ATP8A2: variants seen among roughly 807,000 people sequenced by gnomAD.
ATP8A2 encodes ATPase phospholipid transporting 8A2, also known as phospholipid-transporting ATPase IB.
A neutral mutation model predicts 165.6 loss-of-function variants in ATP8A2; 100 were observed. The ratio of observed to expected loss-of-function variants is 0.60; its 90% CI spans 0.51 to 0.71. ATP8A2 has a LOEUF of 0.71. ATP8A2 is among the 30% of genes least tolerant of loss of function. The probability of loss-of-function intolerance (pLI) is 0.00; values close to 1 mark genes in which losing one functional copy is unlikely to be tolerated. For synonymous variants in ATP8A2, 543 were observed against 548.8 expected, an observed-to-expected ratio of 0.99 and a Z score of 0.15; for missense variants, 1,227 against 1,479.5, an observed-to-expected ratio of 0.83 and a Z score of 2.80.
intron 24 of ATP8A2, among the ~76,000 whole-genome samples, chr13:25,631,454 T>C (rs1349675800): frequency 6.6e-6 from 1 of 152,192 alleles, no homozygotes; most frequent in Non-Finnish European, 1.5e-5. Flanking sequence ...ACTCCAGGTA[T>C]TTTTGGTCTT....
chr13:25,832,579 T>C (rs1271381672), intron 28 of ATP8A2, among the ~76,000 whole-genome samples: 1 of 152,188 alleles, frequency 6.6e-6, no homozygotes, highest in Non-Finnish European at 1.5e-5. Context: ...TATCACTATA[T>C]CAAGAAAATA....
chr13:25,916,422 G>A lies in ATP8A2; in HGVS notation c.3184-45153G>A, dbSNP rs972985513. 1.4e-4 allele frequency among the ~76,000 whole-genome samples: 22 copies of A among 152,186 alleles called. 1 individual carries two copies. Among genetic ancestry groups the A allele is most frequent in the East Asian group, 3.9e-4 (2 of 5,192 alleles). ...ATTCCAAAGAAGACAGACAGTCCCC[G>A]CAGCAGGTGCATGTGGTGCTGGTGT... On this transcript the variant is annotated intron_variant, in intron 33 of 36. Transcript: ENST00000381655.
intron 33 of ATP8A2, among the ~76,000 whole-genome samples, chr13:25,893,170 A>T (rs1307310061): frequency 6.7e-6 from 1 of 150,176 alleles, no homozygotes; most frequent in African/African-American, 2.4e-5. Flanking sequence ...ATTTAGCATT[A>T]GGTATATCTC....
chr13:25,969,931 C>A (rs1288913697), intron 35 of ATP8A2, among the ~76,000 whole-genome samples: 1 of 152,122 alleles, frequency 6.6e-6, no homozygotes, highest in African/African-American at 2.4e-5. Flanking sequence ...CATCAGACAG[C>A]TGAGGCATAA....
intron 1 of ATP8A2, among the ~76,000 whole-genome samples, chr13:25,379,858 C>CT (rs2032776258): frequency 6.6e-6 from 1 of 152,146 alleles, no homozygotes; most frequent in Non-Finnish European, 1.5e-5. Flanking sequence ...TGGGTCCACT[C>CT]TAAGTTCATT....
At chr13:25,902,976 AATGCAC>A (rs1953807789) in intron 33 of ATP8A2, among the ~76,000 whole-genome samples, 1 of 104,380 alleles carries the variant, frequency 9.6e-6, no homozygotes, top group Non-Finnish European at 2.0e-5. Context: ...CACACACGTA[AATGCAC>A]ATGGCAGGGG....
chr13:26,011,744 G>A (rs1956853001), intron 35 of ATP8A2, among the ~76,000 whole-genome samples: 1 of 152,048 alleles, frequency 6.6e-6, no homozygotes, highest in Non-Finnish European at 1.5e-5. Context: ...GACCAGCTTG[G>A]GCAGCAAAGC....
chr13:25,716,171 G>A (rs1049244122), intron 25 of ATP8A2, among the ~76,000 whole-genome samples: 3 of 151,972 alleles, frequency 2.0e-5, no homozygotes, highest in African/African-American at 4.8e-5. Flanking sequence ...TTTTAAATTG[G>A]GTTGCTTGTC....
At chr13:25,919,978 G>A (rs1163177045) in intron 33 of ATP8A2, among the ~76,000 whole-genome samples, 3 of 151,868 alleles carry the variant, frequency 2.0e-5, no homozygotes, top group Non-Finnish European at 2.9e-5. Flanking sequence ...ATACAAACAG[G>A]GGTCTCGCTA....
chr13:25,651,019 T>C (rs1337046096), intron 24 of ATP8A2, among the ~76,000 whole-genome samples: 1 of 152,216 alleles, frequency 6.6e-6, no homozygotes, highest in Non-Finnish European at 1.5e-5. Flanking sequence ...TTAGGGAAGC[T>C]TTCCCTCTTT....
intron 33 of ATP8A2, among the ~76,000 whole-genome samples, chr13:25,954,116 C>T (rs531894445): frequency 2.6e-4 from 40 of 152,328 alleles, no homozygotes; most frequent in Middle Eastern, 3.4e-3. Flanking sequence ...GCTTGAAATT[C>T]TTGCTGACAG....
intron 5 of ATP8A2, among the ~76,000 whole-genome samples, chr13:25,533,029 G>A (rs1243559015): frequency 1.3e-5 from 2 of 151,922 alleles, no homozygotes; most frequent in East Asian, 3.9e-4. Flanking sequence ...AAAATAAGTA[G>A]ATTTAACTTA....
rs116748985 is a variant in ATP8A2 at position 25,394,804 on chromosome 13, G to A, written c.76+22516G>A. The stretch of plus-strand genomic sequence containing the variant: ...GTCTCCCTCTCCCATACCAGAAAAA[G>A]CACAATAACTCTTCGTCACCTGAGA... On this transcript the variant is annotated intron_variant, in intron 1 of 36. Transcript: ENST00000381655. Among the ~76,000 whole-genome samples the A allele has an allele frequency of 4.4e-3, 671 of 152,238 alleles. 10 individuals are homozygous for A. The highest frequency in any genetic ancestry group is 0.015 in the African/African-American group (634 of 41,546).
intron 27 of ATP8A2, among the ~76,000 whole-genome samples, chr13:25,791,985 C>A (rs2045191805): frequency 6.6e-6 from 1 of 152,084 alleles, no homozygotes; most frequent in South Asian, 2.1e-4. Flanking sequence ...AAGCAAAAAT[C>A]ATTTTAGTGT....
intron 36 of ATP8A2, among the ~76,000 whole-genome samples, chr13:26,014,124 G>C (rs541896295): frequency 6.6e-6 from 1 of 152,194 alleles, no homozygotes; most frequent in African/African-American, 2.4e-5. Flanking sequence ...CAGCCCTCTG[G>C]AGATGGGCTG....
chr13:25,496,389 G>T (rs558393075), intron 2 of ATP8A2, among the ~76,000 whole-genome samples: 35 of 152,156 alleles, frequency 2.3e-4, no homozygotes, highest in Admixed American at 7.2e-4. Context: ...ACCCCTGCAT[G>T]AAATCTACAT....
chr13:25,787,333 C>G (rs1196055238), intron 27 of ATP8A2, among the ~76,000 whole-genome samples: 1 of 152,182 alleles, frequency 6.6e-6, no homozygotes, highest in African/African-American at 2.4e-5. Flanking sequence ...CCCTCTGATT[C>G]CAATTTCTTC....
At chr13:25,793,611 T>C (rs2045239429) in intron 27 of ATP8A2, among the ~76,000 whole-genome samples, 1 of 152,202 alleles carries the variant, frequency 6.6e-6, no homozygotes, top group Non-Finnish European at 1.5e-5. Context: ...CACAAGTACA[T>C]ACATACAAAT....
chr13:25,649,207 A>G (rs1380977252), intron 24 of ATP8A2, among the ~76,000 whole-genome samples: 1 of 152,164 alleles, frequency 6.6e-6, no homozygotes, highest in Non-Finnish European at 1.5e-5. Context: ...CTAGCTGGTA[A>G]CAGCCTTGGG....
Sources: allele counts gnomAD v4.1 joint callset (sites outside exome capture counted in the v4.1 genomes callset), GRCh38; gene constraint gnomAD v4.1.1; transcripts MANE v1.5; gene names NCBI Gene and HGNC (gene_info 2026-07-23, HGNC 2026-07-21).